The following SYNRG variants were observed in gnomAD, a reference collection of about 807,000 sequenced individuals.
SYNRG encodes the protein AP1 gamma subunit binding protein 1.
SYNRG carries 37 observed loss-of-function variants against 130.9 expected under a neutral mutation model. The observed-to-expected ratio is 0.28, with a 90% CI of 0.22 to 0.37. The LOEUF is 0.37. Among genes scored for constraint, SYNRG ranks in the 10% least tolerant of loss-of-function variants. SYNRG has a pLI of 1.00. For missense variants in SYNRG, 1,338 were observed against 1,588.9 expected (o/e 0.84, Z 2.68); for synonymous variants, 539 against 568.1 (o/e 0.95, Z 0.73).
chr17:37,539,358 A>C (rs1598187181), intron 16 of SYNRG, 113 bp from the exon 17 acceptor site: 1 of 1,085,376 alleles, frequency 9.2e-7, no homozygotes, highest in East Asian at 2.4e-5. Context: ...CGATCACTCT[A>C]GTTCAAGCAG....
In SYNRG at chr17:37,516,684, G is replaced by C. The variant is rs1224644210; in HGVS notation, c.*2256C>G. 2 of 144,024 alleles carry C rather than the reference G, an allele frequency of 1.4e-5. No homozygotes were observed. The highest frequency in any genetic ancestry group is 3.0e-5 in the Non-Finnish European group (2 of 66,452). 8.9% of individuals were successfully genotyped at this position (144,024 alleles called of 1,614,324 possible). On this transcript the variant is annotated 3_prime_UTR_variant, in exon 22 of 22. Coordinates refer to ENST00000612223, the MANE Select transcript of SYNRG (RefSeq NM_007247.6). ...AACTTTTTTTTTTTTTTTTTTAAGA[G>C]ACAGTGTCTCGCTCTGTCATCACCT... is the stretch of plus-strand genomic sequence containing the variant.
At position 37,541,012 on chromosome 17, in the gene SYNRG, A is replaced by G. The variant is rs1437574579; in HGVS notation, c.3203-469T>C. On this transcript the variant is annotated intron_variant, in intron 15 of 21. Transcript: ENST00000612223. ...TCATTCATTCTTTCTGGGAAGCTACATGTTAAATCTTTTCTACTGTTCTCT... is the reference window on the plus strand; with the variant it reads ...TCATTCATTCTTTCTGGGAAGCTACGTGTTAAATCTTTTCTACTGTTCTCT... 5.1e-6 allele frequency: 5 copies of G among 986,594 alleles called. No individual in the cohort carries two copies. In the African/African-American group the frequency reaches 8.7e-5, roughly 17 times the overall value. 61.1% of individuals were successfully genotyped at this position (986,594 alleles called of 1,614,324 possible).
intron 19 of SYNRG, among the ~76,000 whole-genome samples, chr17:37,527,032 A>G (rs1008477773): frequency 1.3e-5 from 2 of 152,224 alleles, no homozygotes; most frequent in Non-Finnish European, 2.9e-5. Flanking sequence ...TGCTATCACC[A>G]TTGAAAATAA....
Position 37,605,843 on chromosome 17 carries a change from T to C in SYNRG, c.77+3436A>G, listed in dbSNP as rs982672657. On this transcript the variant is annotated intron_variant, in intron 1 of 21. Transcript: ENST00000612223. ...TTACCTATCTCATCCGTCCCTCCTT[T>C]TCAGTTACCTTTGCTACTAACCTAG... The C allele has an allele frequency of 5.1e-6, 5 of 985,310 alleles. No homozygotes were observed. The African/African-American group carries it at 8.7e-5, about 17-fold the overall frequency. The allele number at this position is 985,310 out of a possible 1,614,324, so 61.0% of individuals were successfully genotyped here.
intron 19 of SYNRG, among the ~76,000 whole-genome samples, chr17:37,529,529 T>C (rs1260549918): frequency 1.8e-5 from 2 of 111,456 alleles, no homozygotes; most frequent in Non-Finnish European, 3.7e-5. Context: ...TACATGTATA[T>C]ATATTTTACA....
At chr17:37,598,061 T>G (rs1348472161) in intron 2 of SYNRG, among the ~76,000 whole-genome samples, 1 of 152,250 alleles carries the variant, frequency 6.6e-6, no homozygotes, top group Non-Finnish European at 1.5e-5. Flanking sequence ...ATTCAAGTAT[T>G]TGAAGCCTAC....
At chr17:37,600,719 C>G in intron 1 of SYNRG, 1 of 457,902 alleles carries the variant, frequency 2.2e-6, no homozygotes, top group South Asian at 2.3e-5. Context: ...CAGTCAACAT[C>G]TATTGAGTGT....
At chr17:37,598,790 T>C (rs958841792) in intron 2 of SYNRG, among the ~76,000 whole-genome samples, 52 of 152,208 alleles carry the variant, frequency 3.4e-4, no homozygotes, top group African/African-American at 1.1e-3. Flanking sequence ...TCTTGTCCAG[T>C]TCCTTTGCTC....
chr17:37,564,365 CTGT>C (rs1485930073), intron 11 of SYNRG, among the ~76,000 whole-genome samples: 4 of 152,186 alleles, frequency 2.6e-5, no homozygotes, highest in Non-Finnish European at 5.9e-5. Context: ...CAGATATAAA[CTGT>C]TCAGTGTCTA....
chr17:37,533,032 C>CT (rs986871576), intron 19 of SYNRG, among the ~76,000 whole-genome samples: 31 of 151,508 alleles, frequency 2.0e-4, no homozygotes, highest in African/African-American at 4.1e-4. Flanking sequence ...AAGGATTTCT[C>CT]TTTTTTTTTG....
At chr17:37,561,088 GAC>G (rs754956331) in intron 13 of SYNRG, 105 bp downstream of exon 13, 66 of 915,466 alleles carry the variant, frequency 7.2e-5, no homozygotes, top group Admixed American at 1.1e-4. Flanking sequence ...TAAACACACA[GAC>G]ACACACACAC....
chr17:37,519,058 T>C lies in SYNRG; in HGVS notation c.3827A>G (p.Glu1276Gly). The change falls in exon 22 of 22, where the codon GAA (glutamate) becomes GGA (glycine). Residue 1276 changes from glutamate (E) to glycine (G), a missense_variant. Physicochemically the swap from Glu to Gly is moderately conservative, Grantham distance 98. Transcript: ENST00000612223. ...EEHPKKAFNSETDSFKLAYGG... is the reference protein window; with the variant it reads ...EEHPKKAFNSGTDSFKLAYGG... ...ATAGGCCAGCTTGAAACTGTCTGTT[T>C]CTGAGTTGAATGCCTGCCAGAAATA... The C allele has an allele frequency of 6.2e-7, 1 of 1,613,740 alleles. No individual in the cohort carries two copies. The highest frequency in any genetic ancestry group is 8.5e-7 in the Non-Finnish European group (1 of 1,179,644).
rs1423308118 is a variant in SYNRG at position 37,538,388 on chromosome 17, T to C, written c.3453A>G (p.Gly1151=). 6.2e-7 allele frequency: 1 copy of C among 1,611,012 alleles called. No individual in the cohort carries two copies. Among genetic ancestry groups the C allele is most frequent in the African/African-American group, 1.3e-5 (1 of 74,796 alleles). The change falls in exon 18 of 22, where the codon GGA becomes GGG. Residue 1151 remains glycine (G), a synonymous_variant. Coordinates refer to ENST00000612223, the MANE Select transcript of SYNRG (RefSeq NM_007247.6). The part of the protein sequence containing the change: ...VIKKANDTLN[G]ISSSSVCTEV... ...CTGTGCAAACAGAACTACTACTGAT[T>C]CCATTTAAGGTATCATTTGCCTTCT...
chr17:37,573,829 G>A (rs2060617579), intron 8 of SYNRG, among the ~76,000 whole-genome samples: 1 of 152,054 alleles, frequency 6.6e-6, no homozygotes, highest in African/African-American at 2.4e-5. Flanking sequence ...CAAAGCAATG[G>A]GTAGTACAGA....
intron 18 of SYNRG, 130 bp downstream of exon 18, chr17:37,538,194 C>T: frequency 1.5e-6 from 1 of 651,502 alleles, no homozygotes; most frequent in Non-Finnish European, 2.6e-6. Flanking sequence ...GAGTGTCTTA[C>T]CCACAAATAC....
intron 18 of SYNRG, chr17:37,537,057 C>G (rs1262571414): frequency 1.3e-5 from 2 of 152,172 alleles, no homozygotes; most frequent in South Asian, 4.1e-4. Context: ...TCCATAGATA[C>G]AAGGATACTA....
chr17:37,555,335 T>A (rs2059036836), intron 13 of SYNRG, among the ~76,000 whole-genome samples: 1 of 152,150 alleles, frequency 6.6e-6, no homozygotes, highest in South Asian at 2.1e-4. Context: ...CCACGTCACG[T>A]AGGCTGGTTT....
chr17:37,529,252 T>C (rs2056331702), intron 19 of SYNRG, among the ~76,000 whole-genome samples: 1 of 152,174 alleles, frequency 6.6e-6, no homozygotes, highest in Non-Finnish European at 1.5e-5. Flanking sequence ...CCAGGTTAGA[T>C]GGGCCCCAAA....
At chr17:37,604,581 G>A (rs1048473868) in intron 1 of SYNRG, among the ~76,000 whole-genome samples, 1 of 152,166 alleles carries the variant, frequency 6.6e-6, no homozygotes, top group Non-Finnish European at 1.5e-5. Context: ...CAGCAATAAA[G>A]CTGTTTTACT....
Sources: gnomAD v4.1 joint callset for allele counts (sites outside exome capture counted in the v4.1 genomes callset) on GRCh38, gnomAD v4.1.1 for gene constraint, MANE v1.5 for transcripts, NCBI Gene and HGNC (gene_info 2026-07-23, HGNC 2026-07-21) for gene names.